CD8B2: variants seen among roughly 807,000 people sequenced by gnomAD.
CD8B2 encodes the protein CD8B family member 2, also known as T-cell surface glycoprotein CD8 beta-2 chain.
In CD8B2, 11 loss-of-function variants were observed where a neutral mutation model predicts 23.7. The ratio of observed to expected loss-of-function variants is 0.46; its 90% CI spans 0.29 to 0.77. The LOEUF is 0.77. CD8B2 is among the 30% of genes least tolerant of loss of function. CD8B2 has a pLI of 0.09. For synonymous variants in CD8B2, 90 were observed against 109.3 expected, an observed-to-expected ratio of 0.82 and a Z score of 1.10; for missense variants, 197 against 270.5, an observed-to-expected ratio of 0.73 and a Z score of 1.91.
chr2:106,518,824 C>G (rs1160793205), intron 5 of CD8B2, among the ~76,000 whole-genome samples: 1 of 151,962 alleles, frequency 6.6e-6, no homozygotes, highest in Non-Finnish European at 1.5e-5. Flanking sequence ...CTCTCTCTCA[C>G]TATCCATCCT....
chr2:106,498,930 A>T (rs1382725900), intron 3 of CD8B2, among the ~76,000 whole-genome samples: 2 of 151,962 alleles, frequency 1.3e-5, no homozygotes, highest in East Asian at 3.9e-4. Context: ...ACCATTTCTA[A>T]ACCATGGACT....
intron 5 of CD8B2, chr2:106,543,963 T>C (rs2104579876): frequency 5.0e-6 from 2 of 398,686 alleles, no homozygotes; most frequent in East Asian, 3.6e-5. Context: ...TGTTCTTCTC[T>C]ACTCATGAAA....
intron 5 of CD8B2, among the ~76,000 whole-genome samples, chr2:106,518,047 G>C (rs1464373377): frequency 6.6e-5 from 10 of 152,294 alleles, no homozygotes. Context: ...TTGCAACACT[G>C]TAACAATACT....
At chr2:106,498,302 C>T (rs1679337781) in intron 3 of CD8B2, among the ~76,000 whole-genome samples, 1 of 152,086 alleles carries the variant, frequency 6.6e-6, no homozygotes, top group Non-Finnish European at 1.5e-5. Context: ...TGCCCACCAC[C>T]ACGCTTGGCT....
At chr2:106,527,000 C>T (rs761820196) in intron 5 of CD8B2, among the ~76,000 whole-genome samples, 4 of 152,160 alleles carry the variant, frequency 2.6e-5, no homozygotes, top group Non-Finnish European at 5.9e-5. Context: ...ATTATGTCTA[C>T]ATTTGAGGTA....
chr2:106,513,423 G>A (rs74492022), downstream of CD8B2, among the ~76,000 whole-genome samples: 2,704 of 143,994 alleles, frequency 0.019, no homozygotes, highest in East Asian at 0.049. Flanking sequence ...AGAAAGACCC[G>A]GGTGATGCCA....
At chr2:106,493,948 A>T (rs968915004) in intron 2 of CD8B2, among the ~76,000 whole-genome samples, 27 of 152,292 alleles carry the variant, frequency 1.8e-4, no homozygotes, top group African/African-American at 4.8e-5. Context: ...CTCCCCACAC[A>T]TGGCTGGAGC....
intron 1 of CD8B2, among the ~76,000 whole-genome samples, chr2:106,489,194 G>C: frequency 6.7e-6 from 1 of 148,390 alleles, no homozygotes; most frequent in African/African-American, 2.5e-5. Flanking sequence ...GTAGAGACAG[G>C]GTCTCACTAT....
chr2:106,504,608 A>T (rs1003483668), intron 5 of CD8B2, among the ~76,000 whole-genome samples: 5 of 152,082 alleles, frequency 3.3e-5, no homozygotes, highest in African/African-American at 1.2e-4. Context: ...CAGACTGTAT[A>T]AATAGGTGGG....
chr2:106,519,278 G>T (rs10204689), intron 5 of CD8B2, among the ~76,000 whole-genome samples: 2 of 152,136 alleles, frequency 1.3e-5, no homozygotes, highest in Non-Finnish European at 2.9e-5. Flanking sequence ...TGGCCACCTT[G>T]GGGGATAGTG....
chr2:106,520,839 C>T (rs1388654617), intron 5 of CD8B2, among the ~76,000 whole-genome samples: 2 of 152,046 alleles, frequency 1.3e-5, no homozygotes, highest in Non-Finnish European at 1.5e-5. Context: ...CACTGCACTC[C>T]AGCCTGGGCG....
At chr2:106,542,117 CT>C (rs1680183571) in intron 5 of CD8B2, among the ~76,000 whole-genome samples, 1 of 152,240 alleles carries the variant, frequency 6.6e-6, no homozygotes, top group African/African-American at 2.4e-5. Context: ...CTTACTTAAC[CT>C]TTGAAGACAA....
intron 5 of CD8B2, among the ~76,000 whole-genome samples, chr2:106,525,588 C>G (rs926343228): frequency 6.6e-6 from 1 of 152,162 alleles, no homozygotes; most frequent in African/African-American, 2.4e-5. Context: ...TTTTCGTCAC[C>G]CCCAAAGGAA....
At chr2:106,534,545 A>G (rs1680057149) in intron 5 of CD8B2, among the ~76,000 whole-genome samples, 1 of 152,246 alleles carries the variant, frequency 6.6e-6, no homozygotes, top group Middle Eastern at 3.4e-3. Flanking sequence ...ACCTCAGGAG[A>G]GGGACTTGAT....
At chr2:106,544,214 CA>C (rs1406438485) in exon 6 of CD8B2, 7 of 396,672 alleles carry the variant, frequency 1.8e-5, no homozygotes. Context: ...AAGTTACCAA[CA>C]AGTTTTTAGT....
At chr2:106,534,780 G>A (rs1259420909) in intron 5 of CD8B2, among the ~76,000 whole-genome samples, 2 of 152,004 alleles carry the variant, frequency 1.3e-5, no homozygotes, top group Non-Finnish European at 2.9e-5. Context: ...AACACTGGAA[G>A]AGAATATATA....
intron 5 of CD8B2, among the ~76,000 whole-genome samples, chr2:106,528,858 G>A (rs965195595): frequency 1.3e-5 from 2 of 152,190 alleles, no homozygotes; most frequent in Non-Finnish European, 2.9e-5. Context: ...ACTTTGGTTC[G>A]GAAATGGACC....
At chr2:106,525,708 A>G (rs1679896745) in intron 5 of CD8B2, among the ~76,000 whole-genome samples, 1 of 152,176 alleles carries the variant, frequency 6.6e-6, no homozygotes, top group Non-Finnish European at 1.5e-5. Context: ...GATATTTTAT[A>G]TAAATAATGT....
At chr2:106,506,156 C>T (rs1679501957) in intron 5 of CD8B2, among the ~76,000 whole-genome samples, 2 of 152,040 alleles carry the variant, frequency 1.3e-5, no homozygotes, top group South Asian at 4.2e-4. Flanking sequence ...AAAGAAAGTT[C>T]CGTTCAAAAT....
Sources: allele counts gnomAD v4.1 joint callset (sites outside exome capture counted in the v4.1 genomes callset), GRCh38; gene constraint gnomAD v4.1.1; transcripts MANE v1.5; gene names NCBI Gene and HGNC (gene_info 2026-07-23, HGNC 2026-07-21).